The following PFKFB3 variants were observed in gnomAD, a reference collection of about 807,000 sequenced individuals.
The protein encoded by PFKFB3 is 6-phosphofructo-2-kinase/fructose-2,6-biphosphatase 3, also known as 6-phosphofructo-2-kinase/fructose-2,6-bisphosphatase 3.
Under a neutral mutation model 68.0 loss-of-function variants are expected in PFKFB3, and 33 were observed. That is an observed-to-expected ratio of 0.49 (90% CI 0.37 to 0.65). The LOEUF (loss-of-function observed/expected upper bound fraction) is 0.65, where lower values mean the gene tolerates loss of function less well. Among genes scored for constraint, PFKFB3 ranks in the 30% least tolerant of loss-of-function variants. PFKFB3 has a pLI of 0.00. For missense variants in PFKFB3, 586 were observed against 712.2 expected, an observed-to-expected ratio of 0.82 and a Z score of 2.02; for synonymous variants, 315 against 288.2, an observed-to-expected ratio of 1.09 and a Z score of -0.94.
At chr10:6,297,975 C>T in the PFKFB3 span, among the ~76,000 whole-genome samples, 1 of 152,170 alleles carries the variant, frequency 6.6e-6, no homozygotes, top group East Asian at 1.9e-4. Flanking sequence ...ATATACATTA[C>T]ACTTCCAGAC....
intron 1 of PFKFB3, among the ~76,000 whole-genome samples, chr10:6,181,220 T>C (rs1433159834): frequency 6.6e-6 from 1 of 152,204 alleles, no homozygotes; most frequent in Non-Finnish European, 1.5e-5. Context: ...AAAGTCTTGC[T>C]GTGTTGGCTC....
At chr10:6,296,939 C>T in the PFKFB3 span, among the ~76,000 whole-genome samples, 1 of 152,140 alleles carries the variant, frequency 6.6e-6, no homozygotes, top group Non-Finnish European at 1.5e-5. Context: ...TTACCCAGCC[C>T]CTATTCAAGA....
the PFKFB3 span, among the ~76,000 whole-genome samples, chr10:6,264,478 T>A: frequency 6.6e-6 from 1 of 152,234 alleles, no homozygotes; most frequent in Non-Finnish European, 1.5e-5. Context: ...AGAATATGGC[T>A]TATTCCTTCA....
At chr10:6,277,132 T>G in the PFKFB3 span, among the ~76,000 whole-genome samples, 1 of 152,168 alleles carries the variant, frequency 6.6e-6, no homozygotes, top group African/African-American at 2.4e-5. Context: ...CCAGATCTCA[T>G]GTTGAAATGT....
chr10:6,317,867 C>G, the PFKFB3 span, among the ~76,000 whole-genome samples: 1 of 152,100 alleles, frequency 6.6e-6, no homozygotes, highest in Non-Finnish European at 1.5e-5. Context: ...CGCAATTGTG[C>G]GCAAAGACTG....
At chr10:6,152,712 A>G (rs903251531) in intron 1 of PFKFB3, among the ~76,000 whole-genome samples, 2 of 151,954 alleles carry the variant, frequency 1.3e-5, no homozygotes, top group Non-Finnish European at 2.9e-5. Flanking sequence ...TCCTGTCCCT[A>G]CAAATAAAAA....
At chr10:6,195,548 C>A (rs1214489168) in intron 1 of PFKFB3, among the ~76,000 whole-genome samples, 2 of 152,194 alleles carry the variant, frequency 1.3e-5, no homozygotes, top group East Asian at 3.8e-4. Flanking sequence ...CACTGCGGCC[C>A]AGGACTCAGA....
At chr10:6,217,283 A>G (rs868116004) in intron 6 of PFKFB3, 92 bp downstream of exon 6, 3 of 1,107,992 alleles carry the variant, frequency 2.7e-6, no homozygotes, top group Middle Eastern at 2.1e-4. Flanking sequence ...TCCGGCTCGG[A>G]AGCGCAGCTG....
At chr10:6,196,813 G>A (rs1181703797) in intron 1 of PFKFB3, among the ~76,000 whole-genome samples, 1 of 151,930 alleles carries the variant, frequency 6.6e-6, no homozygotes, top group Non-Finnish European at 1.5e-5. Context: ...TTGACACTCA[G>A]TATTCACCAT....
Position 6,247,217 on chromosome 10 carries a change from C to T in PFKFB3, c.1516-6961C>T, listed in dbSNP as rs573813699. The stretch of plus-strand genomic sequence containing the variant: ...GCCAGTGTTTCTTTTGGGTAGAAAA[C>T]TTCGGTTCAGGCTCTGAGGGAGGAA... On this transcript the variant is annotated intron_variant, in intron 14 of 14. Coordinates refer to the PFKFB3 transcript ENST00000640683. Among the ~76,000 whole-genome samples, 13 of 152,292 alleles carry T rather than the reference C, an allele frequency of 8.5e-5. No homozygotes were observed. In the South Asian group the frequency reaches 2.7e-3, roughly 32 times the overall value.
the PFKFB3 span, among the ~76,000 whole-genome samples, chr10:6,322,740 A>C: frequency 6.6e-6 from 1 of 152,218 alleles, no homozygotes; most frequent in African/African-American, 2.4e-5. Flanking sequence ...CTCTTCTCAC[A>C]GCAGAAATTT....
At chr10:6,187,128 AGGC>A (rs1842886696) in intron 1 of PFKFB3, among the ~76,000 whole-genome samples, 3 of 151,908 alleles carry the variant, frequency 2.0e-5, no homozygotes, top group Admixed American at 1.3e-4. Flanking sequence ...TGGGAGGCCA[AGGC>A]GGGCAGATCA....
chr10:6,159,872 C>T (rs921437286), intron 1 of PFKFB3, among the ~76,000 whole-genome samples: 1 of 151,770 alleles, frequency 6.6e-6, no homozygotes, highest in East Asian at 1.9e-4. Context: ...AATCCCCCCA[C>T]CTCAGCCTCC....
chr10:6,162,708 G>T (rs1842004399), intron 1 of PFKFB3, among the ~76,000 whole-genome samples: 1 of 152,218 alleles, frequency 6.6e-6, no homozygotes. Context: ...CAGTTTGGGT[G>T]AGAACCCTTT....
chr10:6,216,869 C>T (rs1352058574), intron 5 of PFKFB3, 89 bp downstream of exon 5: 4 of 851,320 alleles, frequency 4.7e-6, no homozygotes, highest in East Asian at 2.7e-5. Context: ...GGTCCTTCCC[C>T]TCCTGCTGCC....
At chr10:6,313,084 T>C in the PFKFB3 span, among the ~76,000 whole-genome samples, 1 of 152,268 alleles carries the variant, frequency 6.6e-6, no homozygotes, top group Non-Finnish European at 1.5e-5. This position sits in a 1 kb window ranked among gnomAD's most constrained non-coding sequence, Gnocchi z 4.2. Flanking sequence ...AGAAATCTCT[T>C]ACTAAATGTG....
intron 1 of PFKFB3, among the ~76,000 whole-genome samples, chr10:6,205,210 C>CT (rs1455294161): frequency 1.3e-5 from 2 of 152,140 alleles, no homozygotes; most frequent in South Asian, 2.1e-4. Context: ...TAAAAAGATC[C>CT]GCAGCCTGGG....
At chr10:6,153,870 G>A (rs1841681553) in intron 1 of PFKFB3, among the ~76,000 whole-genome samples, 1 of 151,786 alleles carries the variant, frequency 6.6e-6, no homozygotes, top group African/African-American at 2.4e-5. Flanking sequence ...AAAAGAGAGG[G>A]GAGAGGGAGT....
chr10:6,231,279 A>G, intron 14 of PFKFB3: 2 of 1,609,056 alleles, frequency 1.2e-6, no homozygotes, highest in Non-Finnish European at 8.5e-7. Flanking sequence ...TGTCTGTCAC[A>G]TTTTCTCAAA....
Sources: gnomAD v4.1 joint callset for allele counts (sites outside exome capture counted in the v4.1 genomes callset) on GRCh38, gnomAD v4.1.1 for gene constraint, Gnocchi (gnomAD v3.1) non-coding constraint, MANE v1.5 for transcripts, NCBI Gene and HGNC (gene_info 2026-07-23, HGNC 2026-07-21) for gene names.